GRK4: variants seen among roughly 807,000 people sequenced by gnomAD.
The protein encoded by GRK4 is G protein-coupled receptor kinase 2-like.
GRK4 carries 73 observed loss-of-function variants against 77.9 expected under a neutral mutation model. The ratio of observed to expected loss-of-function variants is 0.94; its 90% CI spans 0.78 to 1.14. The LOEUF is 1.14. GRK4 is among the 50% of genes most tolerant of loss of function. The pLI is 0.00. For synonymous variants in GRK4, 257 were observed against 254.4 expected (o/e 1.01, Z -0.10); for missense variants, 729 against 700.2 (o/e 1.04, Z -0.46).
At chr4:3,032,387 G>A (rs1317302947) in intron 12 of GRK4, among the ~76,000 whole-genome samples, 3 of 151,996 alleles carry the variant, frequency 2.0e-5, no homozygotes, top group Non-Finnish European at 4.4e-5. Flanking sequence ...CTGTGCCACT[G>A]CACTCCAGCC....
At chr4:3,019,337 G>A (rs1320351350) in intron 8 of GRK4, among the ~76,000 whole-genome samples, 5 of 152,254 alleles carry the variant, frequency 3.3e-5, no homozygotes, top group Admixed American at 1.3e-4. Flanking sequence ...AGAATGTCAG[G>A]GCTCAAGTGA....
chr4:2,973,888 G>A (rs545387767), intron 1 of GRK4, among the ~76,000 whole-genome samples: 23 of 152,260 alleles, frequency 1.5e-4, no homozygotes, highest in African/African-American at 3.6e-4. Flanking sequence ...CCTTAAGACC[G>A]CCGCCCCAAC....
chr4:3,014,174 C>G (rs1192888248), intron 8 of GRK4, among the ~76,000 whole-genome samples: 1 of 152,122 alleles, frequency 6.6e-6, no homozygotes, highest in Non-Finnish European at 1.5e-5. Flanking sequence ...TTGCCCTTTC[C>G]TTTCCCTTAT....
At chr4:3,039,077 G>A (rs2110105959) in intron 15 of GRK4, among the ~76,000 whole-genome samples, 1 of 152,232 alleles carries the variant, frequency 6.6e-6, no homozygotes, top group East Asian at 1.9e-4. Flanking sequence ...TTAGCCGGGT[G>A]TGGTGGCACA....
chr4:2,972,558 C>T (rs1361974527), intron 1 of GRK4, among the ~76,000 whole-genome samples: 1 of 151,912 alleles, frequency 6.6e-6, no homozygotes, highest in Non-Finnish European at 1.5e-5. Context: ...CTCTCTCTCT[C>T]TTTAACCTGT....
intron 13 of GRK4, among the ~76,000 whole-genome samples, chr4:3,036,303 G>A (rs1740625309): frequency 6.6e-6 from 1 of 152,258 alleles, no homozygotes; most frequent in African/African-American, 2.4e-5. Context: ...CTCCTTGTGA[G>A]TGTGCTGTTG....
chr4:2,992,683 A>T (rs976892320), intron 4 of GRK4, among the ~76,000 whole-genome samples: 1 of 151,994 alleles, frequency 6.6e-6, no homozygotes, highest in African/African-American at 2.4e-5. Context: ...CCCTGTCTTA[A>T]AAAAATAAAA....
intron 6 of GRK4, 114 bp downstream of exon 6, chr4:3,007,942 A>G (rs780649967): frequency 1.7e-5 from 11 of 650,750 alleles, no homozygotes; most frequent in East Asian, 2.8e-5. Context: ...CTTCAAGGCT[A>G]TAGTACGGGA....
intron 15 of GRK4, 55 bp from the exon 16 acceptor site, chr4:3,040,517 G>T: frequency 1.3e-6 from 2 of 1,493,024 alleles, no homozygotes; most frequent in Admixed American, 2.0e-5. Context: ...TGCACTTAAG[G>T]AAAGTGAAAC....
At chr4:2,976,836 T>G (rs1312940153) in intron 1 of GRK4, among the ~76,000 whole-genome samples, 1 of 152,054 alleles carries the variant, frequency 6.6e-6, no homozygotes, top group Non-Finnish European at 1.5e-5. Flanking sequence ...ACAGGGTTCC[T>G]CCATGTTGGT....
In GRK4 at chr4:2,963,988, C is replaced by T. The variant is rs1052354097; in HGVS notation, c.-83C>T. On this transcript the variant is annotated 5_prime_UTR_variant, in exon 1 of 16. It adds an upstream start codon to the 5' untranslated region. Coordinates refer to ENST00000398052, the MANE Select transcript of GRK4 (RefSeq NM_182982.3). ...AGGGTGGTGCCCGGCGAGCTATGCA[C>T]GGGGGCGGCGGCGTCTCCTCCTGTT... 3.2e-6 allele frequency: 4 copies of T among 1,266,652 alleles called. No individual in the cohort carries two copies. Among genetic ancestry groups the T allele is most frequent in the South Asian group, 2.5e-5 (2 of 79,780 alleles). 78.5% of individuals were successfully genotyped at this position (1,266,652 alleles called of 1,614,324 possible).
intron 4 of GRK4, among the ~76,000 whole-genome samples, chr4:2,996,485 A>G (rs1350736221): frequency 6.6e-6 from 1 of 151,906 alleles, no homozygotes; most frequent in Non-Finnish European, 1.5e-5. Context: ...AATCCAGGAG[A>G]CAAAGTTTGC....
intron 7 of GRK4, 58 bp from the exon 8 acceptor site, chr4:3,013,630 T>C (rs879518080): frequency 5.8e-5 from 90 of 1,556,802 alleles, no homozygotes; most frequent in Non-Finnish European, 7.7e-5. Context: ...GCTTCCTTTG[T>C]GTGGCCTAAG....
At position 3,038,382 on chromosome 4, in the gene GRK4, G is replaced by C. The variant is rs747636268; in HGVS notation, c.1552G>C (p.Glu518Gln). 6.2e-7 allele frequency: 1 copy of C among 1,614,024 alleles called. No homozygotes were observed. The highest frequency in any genetic ancestry group is 8.5e-7 in the Non-Finnish European group (1 of 1,180,024). The change falls in exon 15 of 16, where the codon GAA (glutamate) becomes CAA (glutamine). Residue 518 changes from glutamate to glutamine, a missense_variant. Glu to Gln is a conservative substitution (Grantham distance 29). Transcript: ENST00000398052. ...TGTTATTCTGTGCATGCAGATGATC[G>C]AATCTGGGTGTTTCAAAGACATCAA... ...VSIPWQNEMI[E>Q]SGCFKDINKS... is the part of the protein sequence containing the mutation.
intron 1 of GRK4, among the ~76,000 whole-genome samples, 169 bp downstream of exon 1, chr4:2,964,291 T>C (rs1316174961): frequency 6.6e-6 from 1 of 151,616 alleles, no homozygotes. Context: ...GGAGCCGGGG[T>C]CTGTGCAGTG....
At chr4:3,036,917 C>G (rs533781191) in intron 13 of GRK4, among the ~76,000 whole-genome samples, 27 of 152,314 alleles carry the variant, frequency 1.8e-4, no homozygotes, top group Admixed American at 1.2e-3. Flanking sequence ...GCCTCTGTCC[C>G]TGTTCACACT....
chr4:2,972,287 C>T (rs983712306), intron 1 of GRK4, among the ~76,000 whole-genome samples: 8 of 152,184 alleles, frequency 5.3e-5, no homozygotes, highest in African/African-American at 1.4e-4. Context: ...CCGTTGACCT[C>T]GCCATGGCCC....
At chr4:3,012,483 C>T (rs917073992) in intron 7 of GRK4, among the ~76,000 whole-genome samples, 1 of 152,188 alleles carries the variant, frequency 6.6e-6, no homozygotes, top group African/African-American at 2.4e-5. Flanking sequence ...TATCACTGTC[C>T]TTATTACTTC....
intron 9 of GRK4, among the ~76,000 whole-genome samples, chr4:3,021,566 ACCTTGAGCAT>A (rs1336005061): frequency 6.6e-6 from 1 of 152,164 alleles, no homozygotes; most frequent in Non-Finnish European, 1.5e-5. Flanking sequence ...ACACCTCCGC[ACCTTGAGCAT>A]TGAGCAAGGG....
Sources: gnomAD v4.1 joint callset for allele counts (sites outside exome capture counted in the v4.1 genomes callset) on GRCh38, gnomAD v4.1.1 for gene constraint, MANE v1.5 for transcripts, NCBI Gene and HGNC (gene_info 2026-07-23, HGNC 2026-07-21) for gene names.